CTDSP2: variants seen among roughly 807,000 people sequenced by gnomAD.
CTDSP2 encodes the protein CTD small phosphatase 2.
Under a neutral mutation model 31.6 loss-of-function variants are expected in CTDSP2, and 9 were observed. That is an observed-to-expected ratio of 0.28 (90% confidence interval 0.17 to 0.50). The LOEUF is 0.50. CTDSP2 is among the 20% of genes least tolerant of loss of function. The pLI is 0.98. For missense variants in CTDSP2, 267 were observed against 348.5 expected (o/e 0.77, Z 1.86); for synonymous variants, 134 against 134.5 (o/e 1.00, Z 0.03).
At position 57,823,254 on chromosome 12, in the gene CTDSP2, A is replaced by AG; in HGVS notation, c.*347dup. On this transcript the variant is annotated 3_prime_UTR_variant, in exon 8 of 8. Coordinates refer to ENST00000398073, the MANE Select transcript of CTDSP2 (RefSeq NM_005730.4). ...ACAACTCAGTGGCTCTTAGGGTGAC[A>AG]GGAGAGGAGACAAGCTAACTTGGGA... 2 of 335,056 alleles carry AG rather than the reference A, an allele frequency of 6.0e-6. No homozygotes were observed. The highest frequency in any genetic ancestry group is 1.2e-5 in the Non-Finnish European group (2 of 172,624). 20.8% of individuals were successfully genotyped at this position (335,056 alleles called of 1,614,324 possible).
intron 1 of CTDSP2, chr12:57,842,356 A>T (rs988690505): frequency 6.6e-6 from 1 of 152,218 alleles, no homozygotes; most frequent in Non-Finnish European, 1.5e-5. Context: ...GTCCCATGGA[A>T]AGGATGAAAT....
At chr12:57,840,453 T>C (rs1956275819) in intron 1 of CTDSP2, among the ~76,000 whole-genome samples, 1 of 152,192 alleles carries the variant, frequency 6.6e-6, no homozygotes, top group African/African-American at 2.4e-5. Flanking sequence ...TAGTTCTATG[T>C]GACGTGAGTC....
At chr12:57,844,844 G>A (rs985866155) in intron 1 of CTDSP2, among the ~76,000 whole-genome samples, 12 of 152,014 alleles carry the variant, frequency 7.9e-5, no homozygotes, top group African/African-American at 2.7e-4. Flanking sequence ...TCCCTTCTCA[G>A]GGCAGGCTTA....
At chr12:57,846,199 C>T (rs1592245908) in intron 1 of CTDSP2, among the ~76,000 whole-genome samples, 173 bp downstream of exon 1, 1 of 152,328 alleles carries the variant, frequency 6.6e-6, no homozygotes, top group African/African-American at 2.4e-5. Flanking sequence ...CGTGCAACCC[C>T]CACGGAGGTC....
At chr12:57,836,632 AT>A (rs1956249306) in intron 1 of CTDSP2, among the ~76,000 whole-genome samples, 1 of 152,000 alleles carries the variant, frequency 6.6e-6, no homozygotes, top group Non-Finnish European at 1.5e-5. Context: ...ACAGAGTGAG[AT>A]TTTGTCTTTA....
chr12:57,823,332 A>G lies in CTDSP2; in HGVS notation c.*270T>C, dbSNP rs116457233. 1,271 of 484,810 alleles carry G rather than the reference A, an allele frequency of 2.6e-3. 14 individuals carry two copies. The highest frequency in any genetic ancestry group is 0.022 in the African/African-American group (1,143 of 51,420). The allele number at this position is 484,810 out of a possible 1,614,324, so 30.0% of individuals were successfully genotyped here. On this transcript the variant is annotated 3_prime_UTR_variant, in exon 8 of 8. Coordinates refer to ENST00000398073, the MANE Select transcript of CTDSP2 (RefSeq NM_005730.4). ...CACTGAAACACTATACACTGGGGCCACAGTTCATGGCAAAACACACACACA... is the reference window on the plus strand; with the variant it reads ...CACTGAAACACTATACACTGGGGCCGCAGTTCATGGCAAAACACACACACA...
intron 5 of CTDSP2, chr12:57,824,591 T>G: frequency 1.6e-6 from 1 of 628,020 alleles, no homozygotes; most frequent in Non-Finnish European, 3.1e-6. Flanking sequence ...CCATCTCTGT[T>G]TCCGGCGGCG....
intron 2 of CTDSP2, 120 bp downstream of exon 2, chr12:57,829,328 T>G: frequency 8.4e-7 from 1 of 1,187,056 alleles, no homozygotes; most frequent in African/African-American, 1.5e-5. Context: ...AAGGGCCCCC[T>G]CTCAGCCAGA....
At chr12:57,832,689 T>G (rs1232035267) in intron 1 of CTDSP2, among the ~76,000 whole-genome samples, 1 of 144,110 alleles carries the variant, frequency 6.9e-6, no homozygotes, top group East Asian at 2.1e-4. Flanking sequence ...CTACCTGGGA[T>G]GCTGAGGCAG....
At chr12:57,840,723 G>C (rs898258849) in intron 1 of CTDSP2, among the ~76,000 whole-genome samples, 9 of 149,840 alleles carry the variant, frequency 6.0e-5, no homozygotes, top group Admixed American at 5.4e-4. Context: ...AGAAGGTATA[G>C]AATAAAAAGA....
chr12:57,835,977 G>C (rs1372048747), intron 1 of CTDSP2, among the ~76,000 whole-genome samples: 1 of 152,202 alleles, frequency 6.6e-6, no homozygotes, highest in Non-Finnish European at 1.5e-5. Context: ...GTAAGGCACT[G>C]TGCTAACTCT....
intron 1 of CTDSP2, among the ~76,000 whole-genome samples, chr12:57,842,075 T>TACC (rs1956285676): frequency 6.6e-6 from 1 of 151,774 alleles, no homozygotes; most frequent in South Asian, 2.1e-4. Context: ...GAACCAAACT[T>TACC]ACCATGATGG....
Position 57,846,384 on chromosome 12 carries a change from G to GCAC in CTDSP2, c.49_51dup (p.Val17dup). Reference sequence around the variant, plus strand: ...TTGCTGCCCCTACCTTGCTTGGTGAGCACCAGGGCGTCTTCCCTCCGCGCC... The same window carrying GCAC: ...TTGCTGCCCCTACCTTGCTTGGTGAGCACCACCAGGGCGTCTTCCCTCCGCGCC... On this transcript the variant is annotated inframe_insertion, in exon 1 of 8. Transcript: ENST00000398073. The GCAC allele has an allele frequency of 1.9e-6, 3 of 1,608,492 alleles. No homozygotes were observed. The highest frequency in any genetic ancestry group is 2.5e-6 in the Non-Finnish European group (3 of 1,177,680).
chr12:57,821,254 T>C lies in CTDSP2; in HGVS notation c.*2348A>G, dbSNP rs941166563. The C allele has an allele frequency of 6.6e-6, 1 of 150,698 alleles. No homozygotes were observed. The highest frequency in any genetic ancestry group is 1.5e-5 in the Non-Finnish European group (1 of 67,848). The allele number at this position is 150,698 out of a possible 1,614,324, so 9.3% of individuals were successfully genotyped here. On this transcript the variant is annotated 3_prime_UTR_variant, in exon 8 of 8. Transcript: ENST00000398073. ...TGGGAATGGCATTGTTGGGGGGGAG[T>C]TGCAGGTGGGCAGGCAGGGTTCTGA...
intron 1 of CTDSP2, among the ~76,000 whole-genome samples, chr12:57,831,491 T>C (rs889838172): frequency 6.6e-6 from 1 of 152,098 alleles, no homozygotes; most frequent in Non-Finnish European, 1.5e-5. Flanking sequence ...CCTTTTGCTA[T>C]AGATGAAATT....
chr12:57,841,098 C>A (rs1352006254), intron 1 of CTDSP2, among the ~76,000 whole-genome samples: 1 of 152,216 alleles, frequency 6.6e-6, no homozygotes, highest in Non-Finnish European at 1.5e-5. Context: ...ATGTGCTCAT[C>A]TGCATCCCAG....
chr12:57,831,597 A>G (rs1028686637), intron 1 of CTDSP2, among the ~76,000 whole-genome samples: 1 of 152,218 alleles, frequency 6.6e-6, no homozygotes, highest in African/African-American at 2.4e-5. Flanking sequence ...CCTTGGTCCC[A>G]GTTCTCTTCT....
chr12:57,830,413 AAAC>A (rs778540737), intron 1 of CTDSP2, among the ~76,000 whole-genome samples: 90 of 151,958 alleles, frequency 5.9e-4, no homozygotes, highest in African/African-American at 1.0e-3. Context: ...ACAAACAAAC[AAAC>A]AAAACCAACA....
At chr12:57,828,421 C>CAAG (rs1465390001) in intron 2 of CTDSP2, among the ~76,000 whole-genome samples, 48 of 63,198 alleles carry the variant, frequency 7.6e-4, no homozygotes, top group African/African-American at 2.8e-3. Flanking sequence ...AACTCCATCT[C>CAAG]AAAAAAAAAA....
Sources: gnomAD v4.1 joint callset for allele counts (sites outside exome capture counted in the v4.1 genomes callset) on GRCh38, gnomAD v4.1.1 for gene constraint, MANE v1.5 for transcripts, NCBI Gene and HGNC (gene_info 2026-07-23, HGNC 2026-07-21) for gene names.